Variants in MYO18B observed in about 807,000 individuals in gnomAD.
MYO18B encodes myosin XVIIIB, also known as unconventional myosin-XVIIIb.
A neutral mutation model predicts 273.0 loss-of-function variants in MYO18B; 204 were observed. That is an observed-to-expected ratio of 0.75 (90% CI 0.67 to 0.84). The LOEUF (loss-of-function observed/expected upper bound fraction) is 0.84, where lower values mean the gene tolerates loss of function less well. Ranked by LOEUF, MYO18B falls within the 40% of genes least tolerant of loss-of-function variation. The pLI is 0.00. For synonymous variants in MYO18B, 1,330 were observed against 1,305.7 expected, an observed-to-expected ratio of 1.02 and a Z score of -0.40; for missense variants, 3,212 against 3,287.6, an observed-to-expected ratio of 0.98 and a Z score of 0.56.
chr22:25,770,802 C>A, intron 5 of MYO18B, 70 bp from the exon 6 acceptor site: 1 of 1,138,152 alleles, frequency 8.8e-7, no homozygotes, highest in Non-Finnish European at 1.3e-6. Flanking sequence ...ATCTCCTGCC[C>A]TCGCCTCTTT....
chr22:25,875,229 A>G (rs2091158330), intron 23 of MYO18B, among the ~76,000 whole-genome samples: 1 of 152,250 alleles, frequency 6.6e-6, no homozygotes, highest in Non-Finnish European at 1.5e-5. Context: ...CTCTGCAGCC[A>G]GACTGCAAGG....
chr22:25,865,409 A>G (rs922481151), intron 21 of MYO18B, among the ~76,000 whole-genome samples: 6 of 152,232 alleles, frequency 3.9e-5, no homozygotes, highest in African/African-American at 1.4e-4. Context: ...TGGGTTGAGC[A>G]TGTGCTTTGG....
chr22:25,971,529 A>G (rs1194643465), intron 39 of MYO18B, among the ~76,000 whole-genome samples: 2 of 152,192 alleles, frequency 1.3e-5, no homozygotes, highest in Admixed American at 1.3e-4. Flanking sequence ...GGCCCTAGCT[A>G]TGGTTACAGT....
At chr22:26,025,136 G>C (rs1460385642) in intron 42 of MYO18B, among the ~76,000 whole-genome samples, 1 of 152,134 alleles carries the variant, frequency 6.6e-6, no homozygotes, top group African/African-American at 2.4e-5. Flanking sequence ...ATTTTCGGGG[G>C]AGACAAACAT....
At chr22:25,780,686 C>T (rs1475307421) in intron 9 of MYO18B, among the ~76,000 whole-genome samples, 1 of 151,538 alleles carries the variant, frequency 6.6e-6, no homozygotes, top group South Asian at 2.1e-4. Flanking sequence ...GATCCCCTAG[C>T]TGGGGCCAGT....
downstream of MYO18B, among the ~76,000 whole-genome samples, chr22:26,035,540 C>G (rs766031422): frequency 1.3e-5 from 2 of 152,206 alleles, no homozygotes; most frequent in African/African-American, 2.4e-5. Context: ...CTGAAATGCT[C>G]CTGATCCATG....
intron 15 of MYO18B, among the ~76,000 whole-genome samples, chr22:25,831,808 C>T (rs559725206): frequency 2.3e-4 from 35 of 152,316 alleles, no homozygotes; most frequent in South Asian, 2.1e-4. Flanking sequence ...ACCGAGTTAT[C>T]AGTTTCTGAT....
chr22:25,950,347 T>C lies in MYO18B; in HGVS notation c.5749-20T>C. ...TGGACTCAGGGTGATATATATACAT[T>C]TTTTTTTTTGTCTCACCAGTCTGCT... On this transcript the variant is annotated intron_variant, in intron 36 of 43. Coordinates refer to ENST00000335473, the MANE Select transcript of MYO18B (RefSeq NM_032608.7). The C allele has an allele frequency of 1.0e-6, 1 of 969,930 alleles. No individual in the cohort carries two copies. The highest frequency in any genetic ancestry group is 1.4e-6 in the Non-Finnish European group (1 of 733,158). The allele number at this position is 969,930 out of a possible 1,614,324, so 60.1% of individuals were successfully genotyped here.
At chr22:25,915,407 G>A (rs1158835254) in intron 33 of MYO18B, among the ~76,000 whole-genome samples, 1 of 152,178 alleles carries the variant, frequency 6.6e-6, no homozygotes, top group Non-Finnish European at 1.5e-5. Context: ...GCATGTTACT[G>A]TACTGAATTT....
chr22:25,961,380 C>T (rs1302373614), intron 39 of MYO18B, among the ~76,000 whole-genome samples: 1 of 152,216 alleles, frequency 6.6e-6, no homozygotes, highest in East Asian at 1.9e-4. Context: ...CTCTCATCCT[C>T]TTACCTGTTC....
chr22:25,989,955 G>A (rs9608439), intron 39 of MYO18B, among the ~76,000 whole-genome samples: 24,020 of 151,962 alleles, frequency 0.16, 2,077 homozygotes, highest in African/African-American at 0.19. Context: ...CCCCAACCTC[G>A]GGTTGTCTCT....
intron 39 of MYO18B, among the ~76,000 whole-genome samples, chr22:25,987,397 G>T (rs1371869513): frequency 6.6e-6 from 1 of 152,130 alleles, no homozygotes; most frequent in African/African-American, 2.4e-5. Context: ...CTCAAGTGAT[G>T]CTGGGGAGGT....
At chr22:25,987,854 T>G (rs1337012434) in intron 39 of MYO18B, among the ~76,000 whole-genome samples, 3 of 152,196 alleles carry the variant, frequency 2.0e-5, no homozygotes, top group Non-Finnish European at 4.4e-5. Context: ...TATTGTAGTT[T>G]TAGATTATCC....
chr22:26,040,035 C>T, the MYO18B span, among the ~76,000 whole-genome samples: 4 of 152,048 alleles, frequency 2.6e-5, no homozygotes, highest in African/African-American at 7.2e-5. Flanking sequence ...GCCACGTTGC[C>T]GAGACTGGCA....
At position 25,777,767 on chromosome 22, in the gene MYO18B, A is replaced by G; in HGVS notation, c.2054A>G (p.Asp685Gly). The G allele has an allele frequency of 6.2e-7, 1 of 1,602,088 alleles. No individual in the cohort carries two copies. Among genetic ancestry groups the G allele is most frequent in the South Asian group, 1.1e-5 (1 of 88,734 alleles). Residue 685 changes from aspartate to glycine, a missense_variant, in exon 8 of 44, where the codon GAT becomes GGT. Physicochemically the swap from Asp to Gly is moderately conservative, Grantham distance 94. Transcript: ENST00000335473. ...CTGGTGGGGATGGCAGGCAGTGTGG[A>G]TGGCAGGGTCTCAGGTATGGTGGTC... The part of the protein sequence containing the change: ...EHLVGMAGSV[D>G]GRVSVEKIRA...
chr22:25,780,226 G>A (rs1287930635), intron 9 of MYO18B, 28 bp downstream of exon 9: 2 of 1,583,900 alleles, frequency 1.3e-6, no homozygotes, highest in African/African-American at 1.3e-5. Context: ...ATGTGCAAGG[G>A]GGCCCTTGGG....
At chr22:25,950,517 G>GTTGTGTGT in intron 37 of MYO18B, 67 bp downstream of exon 37, 3 of 245,062 alleles carry the variant, frequency 1.2e-5, no homozygotes, top group South Asian at 4.2e-5. Flanking sequence ...GAACTAATAG[G>GTTGTGTGT]ATGTGTGTGT....
intron 28 of MYO18B, among the ~76,000 whole-genome samples, chr22:25,895,886 C>T (rs1034018435): frequency 2.7e-5 from 4 of 150,586 alleles, no homozygotes; most frequent in Non-Finnish European, 4.4e-5. Flanking sequence ...TTTCTGTGCT[C>T]CTCCCCCAGT....
At chr22:25,876,057 G>T in intron 23 of MYO18B, 132 bp from the exon 24 acceptor site, 38 of 567,298 alleles carry the variant, frequency 6.7e-5, no homozygotes, top group East Asian at 1.1e-4. Context: ...TGTGTTTTAA[G>T]GTATCCAGTC....
Sources: allele counts gnomAD v4.1 joint callset (sites outside exome capture counted in the v4.1 genomes callset), GRCh38; gene constraint gnomAD v4.1.1; transcripts MANE v1.5; gene names NCBI Gene and HGNC (gene_info 2026-07-23, HGNC 2026-07-21).